The following ZKSCAN3 variants were observed in gnomAD, a reference collection of about 807,000 sequenced individuals.
ZKSCAN3 encodes the protein zinc finger protein with KRAB and SCAN domains 3.
Under a neutral mutation model 30.7 loss-of-function variants are expected in ZKSCAN3, and 21 were observed. The observed-to-expected ratio is 0.68, with a 90% CI of 0.49 to 0.99. The LOEUF is 0.99. Among genes scored for constraint, ZKSCAN3 ranks in the 50% least tolerant of loss-of-function variants. The pLI, the probability that ZKSCAN3 is intolerant of heterozygous loss-of-function variation, is 0.00. For missense variants in ZKSCAN3, 507 were observed against 647.1 expected (o/e 0.78, Z 2.35); for synonymous variants, 201 against 246.7 (o/e 0.81, Z 1.73).
chr6:28,350,112 T>TGTGTGTGTGTGTGTGTGTGTG (rs1439462758), intron 1 of ZKSCAN3, 45 bp downstream of exon 1: 2 of 99,402 alleles, frequency 2.0e-5, no homozygotes, highest in South Asian at 3.4e-4. Context: ...GTGTGTGTGT[T>TGTGTGTGTGTGTGTGTGTGTG]TGTGGAGAGA....
intron 1 of ZKSCAN3, among the ~76,000 whole-genome samples, 161 bp from the exon 2 acceptor site, chr6:28,359,364 A>G (rs1479613389): frequency 6.6e-6 from 1 of 151,998 alleles, no homozygotes; most frequent in Non-Finnish European, 1.5e-5. Flanking sequence ...GAACCTTACT[A>G]TGGGATTCAG....
intron 2 of ZKSCAN3, 64 bp from the exon 3 acceptor site, chr6:28,361,260 C>G (rs1555046): frequency 0.056 from 85,697 of 1,538,932 alleles, 3,368 homozygotes; most frequent in South Asian, 0.17. Flanking sequence ...ATAGTGCCAG[C>G]CACCTAGGTA....
Position 28,367,708 on chromosome 6 carries a change from T to A in ZKSCAN3, c.*1423T>A, listed in dbSNP as rs1299095949. 1.3e-5 allele frequency: 2 copies of A among 148,950 alleles called. No homozygotes were observed. The highest frequency in any genetic ancestry group is 1.4e-4 in the Admixed American group (2 of 14,804). The allele number at this position is 148,950 out of a possible 1,614,324, so 9.2% of individuals were successfully genotyped here. On this transcript the variant is annotated 3_prime_UTR_variant, in exon 6 of 6. Coordinates refer to ENST00000252211, the MANE Select transcript of ZKSCAN3 (RefSeq NM_024493.4). ...TAAGTTCATACTTTCTCCAGCTCAA[T>A]GGATTCACACCAAATTTTTTTTTTT...
At position 28,366,078 on chromosome 6, in the gene ZKSCAN3, G is replaced by A. The variant is rs780269609; in HGVS notation, c.1410G>A (p.Gln470=). The A allele has an allele frequency of 6.2e-7, 1 of 1,608,434 alleles. No homozygotes were observed. The highest frequency in any genetic ancestry group is 8.5e-7 in the Non-Finnish European group (1 of 1,177,788). ...CCTGGAAAAGTAGGATGGAAAGCCAGTTGGAAAATGTTGAAACTCCCATGT... is the reference window on the plus strand; with the variant it reads ...CCTGGAAAAGTAGGATGGAAAGCCAATTGGAAAATGTTGAAACTCCCATGT... The part of the protein sequence containing the change: ...GEAWKSRMES[Q]LENVETPMSY... Residue 470 remains glutamine (Q), a synonymous_variant, in exon 6 of 6, where the codon CAG becomes CAA. Coordinates refer to ENST00000252211, the MANE Select transcript of ZKSCAN3 (RefSeq NM_024493.4).
chr6:28,364,974 A>G (rs1255160383), intron 5 of ZKSCAN3, among the ~76,000 whole-genome samples: 1 of 152,162 alleles, frequency 6.6e-6, no homozygotes, highest in Non-Finnish European at 1.5e-5. Flanking sequence ...GTGATCTGCC[A>G]GCCTGAGCCT....
In ZKSCAN3 at chr6:28,367,827, C is replaced by G. The variant is rs1381623839; in HGVS notation, c.*1542C>G. The G allele has an allele frequency of 1.3e-5, 2 of 151,918 alleles. No individual in the cohort carries two copies. Among genetic ancestry groups the G allele is most frequent in the Non-Finnish European group, 2.9e-5 (2 of 68,026 alleles). The allele number at this position is 151,918 out of a possible 1,614,324, so 9.4% of individuals were successfully genotyped here. On this transcript the variant is annotated 3_prime_UTR_variant, in exon 6 of 6. Transcript: ENST00000252211. ...CTCCGCCTCCCAGGTTCCTGCCATT[C>G]TCCTGCCTCAGCCTCCCGAGTAGCT...
Position 28,363,315 on chromosome 6 carries a change from C to A in ZKSCAN3, c.563C>A (p.Pro188His). 4.3e-6 allele frequency: 7 copies of A among 1,614,018 alleles called. No homozygotes were observed. The highest frequency in any genetic ancestry group is 5.9e-6 in the Non-Finnish European group (7 of 1,179,948). Reference protein sequence around the residue: ...QPLQDRVLQVPVLAHGGCCRE... With the variant: ...QPLQDRVLQVHVLAHGGCCRE... ...CTTTCCTTCTTAGTTCTCCAGGTCC[C>A]CGTGCTTGCCCATGGAGGATGCTGC... Residue 188 changes from proline (P) to histidine (H), a missense_variant, in exon 4 of 6, where the codon CCC (proline) becomes CAC (histidine). Coordinates refer to ENST00000252211, the MANE Select transcript of ZKSCAN3 (RefSeq NM_024493.4).
intron 1 of ZKSCAN3, chr6:28,354,273 C>T: frequency 3.8e-6 from 1 of 266,478 alleles, no homozygotes; most frequent in South Asian, 4.2e-5. Flanking sequence ...CAAGTATGAG[C>T]TTACACAAAC....
At chr6:28,362,179 A>G (rs973580798) in intron 3 of ZKSCAN3, among the ~76,000 whole-genome samples, 4 of 152,204 alleles carry the variant, frequency 2.6e-5, no homozygotes, top group African/African-American at 4.8e-5. Context: ...AGCTCTGGGA[A>G]TGGAACTGTG....
At chr6:28,361,904 C>A (rs1477365181) in intron 3 of ZKSCAN3, among the ~76,000 whole-genome samples, 1 of 152,040 alleles carries the variant, frequency 6.6e-6, no homozygotes, top group East Asian at 1.9e-4. Context: ...CTCAAGCGAT[C>A]CTCTCAACTC....
At position 28,359,878 on chromosome 6, in the gene ZKSCAN3, C is replaced by T; in HGVS notation, c.292C>T (p.Leu98=). 1.2e-6 allele frequency: 2 copies of T among 1,614,128 alleles called. No individual in the cohort carries two copies. The highest frequency in any genetic ancestry group is 1.7e-6 in the Non-Finnish European group (2 of 1,180,038). The change falls in exon 2 of 6, where the codon CTG becomes TTG. Residue 98 remains leucine, a synonymous_variant. Transcript: ENST00000252211. ...LLVLEQFLTI[L]PGNLQSWVRE... is the part of the protein sequence containing the mutation. The stretch of plus-strand genomic sequence containing the variant: ...GGTGCTGGAGCAGTTCCTGACCATC[C>T]TGCCGGGGAATCTGCAGAGCTGGGT...
chr6:28,364,609 T>C (rs1469716592), intron 5 of ZKSCAN3, among the ~76,000 whole-genome samples: 3 of 152,242 alleles, frequency 2.0e-5, no homozygotes, highest in Non-Finnish European at 4.4e-5. Flanking sequence ...TTCACAGCAC[T>C]GAATCCAGTT....
At chr6:28,350,526 G>C (rs1439397648) in intron 1 of ZKSCAN3, 4 of 152,168 alleles carry the variant, frequency 2.6e-5, no homozygotes, top group African/African-American at 9.7e-5. Flanking sequence ...CTCTCTCTCT[G>C]CCTCATTTTA....
At chr6:28,362,469 T>G (rs1581738412) in intron 3 of ZKSCAN3, among the ~76,000 whole-genome samples, 1 of 152,350 alleles carries the variant, frequency 6.6e-6, no homozygotes, top group East Asian at 1.9e-4. Flanking sequence ...CTTAAACACA[T>G]GTACAAGTTC....
In ZKSCAN3 at chr6:28,363,289, T is replaced by G. The variant is rs1304690492; in HGVS notation, c.551-14T>G. 1.9e-6 allele frequency: 3 copies of G among 1,612,608 alleles called. No individual in the cohort carries two copies. Among genetic ancestry groups the G allele is most frequent in the Non-Finnish European group, 2.5e-6 (3 of 1,178,952 alleles). On this transcript the variant is annotated splice_polypyrimidine_tract_variant and intron_variant, in intron 3 of 5. Transcript: ENST00000252211. ...GCCAGGGTACATCTCATCCAGAGCT[T>G]CTTTCCTTCTTAGTTCTCCAGGTCC...
chr6:28,362,676 G>A (rs1051817025), intron 3 of ZKSCAN3, among the ~76,000 whole-genome samples: 4 of 152,110 alleles, frequency 2.6e-5, no homozygotes, highest in African/African-American at 9.7e-5. Flanking sequence ...ATATATATAT[G>A]CTTCCTGAAG....
In ZKSCAN3 at chr6:28,351,772, G is replaced by A. The variant is rs1581713605; in HGVS notation, c.-63+1705G>A. 2.3e-5 allele frequency among the ~76,000 whole-genome samples: 3 copies of A among 132,812 alleles called. No individual in the cohort carries two copies. Among genetic ancestry groups the A allele is most frequent in the South Asian group, 2.3e-4 (1 of 4,280 alleles). 87.1% of individuals were successfully genotyped at this position (132,812 alleles called of 152,430 possible). On this transcript the variant is annotated intron_variant, in intron 1 of 5. Coordinates refer to ENST00000252211, the MANE Select transcript of ZKSCAN3 (RefSeq NM_024493.4). This position sits in a 1 kb window ranked among gnomAD's most constrained non-coding sequence, Gnocchi z 4.6. ...TTTATCTCTTTTTTTTCCTCATTTC[G>A]TCCCTCTCTTCTCTTTCATTTTATA...
intron 5 of ZKSCAN3, among the ~76,000 whole-genome samples, chr6:28,364,979 G>T (rs932824402): frequency 6.6e-6 from 1 of 152,138 alleles, no homozygotes; most frequent in African/African-American, 2.4e-5. Flanking sequence ...CTGCCAGCCT[G>T]AGCCTCCCAG....
Position 28,359,529 on chromosome 6 carries a change from C to G in ZKSCAN3, c.-58C>G. The G allele has an allele frequency of 6.4e-7, 1 of 1,568,948 alleles. No individual in the cohort carries two copies. Reference sequence around the variant, plus strand: ...TAATGATTTCCCACCTTTCAGGGATCTTCTGCAGAAATAGCGCTGGAAGCT... The same window carrying G: ...TAATGATTTCCCACCTTTCAGGGATGTTCTGCAGAAATAGCGCTGGAAGCT... On this transcript the variant is annotated 5_prime_UTR_variant, in exon 2 of 6. The change creates a new upstream start codon in the 5' untranslated region. Transcript: ENST00000252211.
Sources: allele counts gnomAD v4.1 joint callset (sites outside exome capture counted in the v4.1 genomes callset), GRCh38; gene constraint gnomAD v4.1.1; non-coding constraint Gnocchi (gnomAD v3.1); transcripts MANE v1.5; gene names NCBI Gene and HGNC (gene_info 2026-07-23, HGNC 2026-07-21).